CNTNAP2: variants seen among roughly 807,000 people sequenced by gnomAD.
The protein encoded by CNTNAP2 is contactin associated protein 2, also known as contactin-associated protein-like 2.
A neutral mutation model predicts 155.2 loss-of-function variants in CNTNAP2; 98 were observed. The observed-to-expected ratio is 0.63, with a 90% confidence interval of 0.54 to 0.75. The LOEUF (loss-of-function observed/expected upper bound fraction) is 0.75. Among genes scored for constraint, CNTNAP2 ranks in the 30% least tolerant of loss-of-function variants. CNTNAP2 has a pLI of 0.00. For synonymous variants in CNTNAP2, 651 were observed against 631.2 expected, an observed-to-expected ratio of 1.03 and a Z score of -0.47; for missense variants, 1,727 against 1,688.1, an observed-to-expected ratio of 1.02 and a Z score of -0.40.
chr7:146,226,166 C>A (rs75082049), intron 1 of CNTNAP2, among the ~76,000 whole-genome samples: 1,776 of 152,250 alleles, frequency 0.012, 20 homozygotes, highest in Non-Finnish European at 0.018. Context: ...TCTGCCTCGG[C>A]CCTACTGAGA....
chr7:147,444,568 A>C (rs1335274314), intron 10 of CNTNAP2, among the ~76,000 whole-genome samples: 1 of 148,080 alleles, frequency 6.8e-6, no homozygotes, highest in Admixed American at 6.8e-5. Flanking sequence ...CTTAGTCACT[A>C]AGAGTGAAAT....
At chr7:146,398,273 A>G (rs1005014328) in intron 1 of CNTNAP2, among the ~76,000 whole-genome samples, 2 of 146,270 alleles carry the variant, frequency 1.4e-5, no homozygotes, top group Non-Finnish European at 3.0e-5. Flanking sequence ...TAATTGACTC[A>G]CACTTCCACA....
chr7:146,521,777 G>A lies in CNTNAP2; in HGVS notation c.98-252494G>A, dbSNP rs1175048474. 2.6e-5 allele frequency among the ~76,000 whole-genome samples: 4 copies of A among 151,918 alleles called. No individual in the cohort carries two copies. In the South Asian group the frequency reaches 8.3e-4, roughly 32 times the overall value. On this transcript the variant is annotated intron_variant, in intron 1 of 23. Coordinates refer to ENST00000361727, the MANE Select transcript of CNTNAP2 (RefSeq NM_014141.6). The stretch of plus-strand genomic sequence containing the variant: ...AAAGATAAAGCAGACCTCTTAAATA[G>A]GAAGTGGCAAATCTAAGATCTGAAC...
At chr7:147,969,658 T>C (rs908800998) in intron 14 of CNTNAP2, among the ~76,000 whole-genome samples, 1 of 152,230 alleles carries the variant, frequency 6.6e-6, no homozygotes, top group South Asian at 2.1e-4. Flanking sequence ...GCAGAGAGGA[T>C]ACAGAAAGAT....
chr7:146,463,663 G>A (rs1796672402), intron 1 of CNTNAP2, among the ~76,000 whole-genome samples: 1 of 151,746 alleles, frequency 6.6e-6, no homozygotes, highest in African/African-American at 2.4e-5. Flanking sequence ...ACATACATAT[G>A]TGCATGTATG....
chr7:148,344,128 G>A (rs1159318369), intron 21 of CNTNAP2, among the ~76,000 whole-genome samples: 1 of 152,210 alleles, frequency 6.6e-6, no homozygotes, highest in Non-Finnish European at 1.5e-5. Context: ...TTTTAGCAGA[G>A]CCTTTGACTC....
intron 21 of CNTNAP2, among the ~76,000 whole-genome samples, chr7:148,364,153 A>G (rs1220427457): frequency 1.9e-4 from 29 of 152,102 alleles, no homozygotes; most frequent in Admixed American, 2.6e-4. Flanking sequence ...CCTGCTCCAC[A>G]GCGCCCAGTC....
At chr7:146,814,584 A>G (rs1409346839) in intron 2 of CNTNAP2, among the ~76,000 whole-genome samples, 1 of 152,186 alleles carries the variant, frequency 6.6e-6, no homozygotes, top group Non-Finnish European at 1.5e-5. Context: ...CTATAGAACT[A>G]GACAATTAAT....
At chr7:146,445,106 C>T (rs566696175) in intron 1 of CNTNAP2, among the ~76,000 whole-genome samples, 3 of 108,652 alleles carry the variant, frequency 2.8e-5, no homozygotes, top group Admixed American at 2.7e-4. Context: ...AGATTTTATA[C>T]CAGAGTCACC....
intron 13 of CNTNAP2, among the ~76,000 whole-genome samples, chr7:147,660,296 C>A (rs111708837): frequency 3.9e-5 from 6 of 152,296 alleles, no homozygotes; most frequent in African/African-American, 1.4e-4. Context: ...CTTCCTACAA[C>A]CTTTTCCTCC....
intron 1 of CNTNAP2, among the ~76,000 whole-genome samples, chr7:146,129,267 G>A (rs546491989): frequency 4.6e-5 from 7 of 152,152 alleles, no homozygotes; most frequent in Admixed American, 1.3e-4. Context: ...TCAGAATATT[G>A]CAAATAAAAA....
intron 13 of CNTNAP2, among the ~76,000 whole-genome samples, chr7:147,660,874 T>A (rs967682773): frequency 2.0e-5 from 3 of 152,172 alleles, no homozygotes; most frequent in African/African-American, 7.2e-5. Context: ...TATATTTTGT[T>A]GAGGTCTTTG....
chr7:147,194,995 C>G (rs1029877380), intron 8 of CNTNAP2, among the ~76,000 whole-genome samples: 1 of 152,104 alleles, frequency 6.6e-6, no homozygotes, highest in Admixed American at 6.5e-5. Context: ...AGTCTTTGCC[C>G]ATGCTTATGT....
intron 22 of CNTNAP2, among the ~76,000 whole-genome samples, chr7:148,388,154 A>G (rs1465632990): frequency 1.3e-5 from 2 of 152,044 alleles, no homozygotes; most frequent in African/African-American, 4.8e-5. Context: ...TTTTTGTTTT[A>G]TTATTATACT....
Position 148,052,213 on chromosome 7 carries a change from T to C in CNTNAP2, c.2384-65905T>C, listed in dbSNP as rs151265673. Reference sequence around the variant, plus strand: ...CTTGGTAGATATGGCAACATAACAATTAAAAGTTCATGTAAGTACAAAAAT... The same window carrying C: ...CTTGGTAGATATGGCAACATAACAACTAAAAGTTCATGTAAGTACAAAAAT... On this transcript the variant is annotated intron_variant, in intron 15 of 23. Transcript: ENST00000361727. Among the ~76,000 whole-genome samples the C allele has an allele frequency of 3.6e-3, 536 of 150,002 alleles. 3 individuals are homozygous for C. Among genetic ancestry groups the C allele is most frequent in the Non-Finnish European group, 5.9e-3 (397 of 67,650 alleles).
chr7:146,374,065 G>A (rs1198553288), intron 1 of CNTNAP2, among the ~76,000 whole-genome samples: 1 of 152,082 alleles, frequency 6.6e-6, no homozygotes, highest in African/African-American at 2.4e-5. Context: ...AATAGTTGAA[G>A]TTGTTGCCTT....
chr7:148,312,025 G>C (rs1797603973), intron 21 of CNTNAP2, among the ~76,000 whole-genome samples: 1 of 152,164 alleles, frequency 6.6e-6, no homozygotes, highest in Non-Finnish European at 1.5e-5. Flanking sequence ...TATGCATCAG[G>C]TGGGAGAAAG....
chr7:148,331,340 AC>A, intron 21 of CNTNAP2, among the ~76,000 whole-genome samples: 1 of 148,598 alleles, frequency 6.7e-6, no homozygotes, highest in South Asian at 2.2e-4. Flanking sequence ...GATGGAATGG[AC>A]GGATGGAATG....
At position 147,726,125 on chromosome 7, in the gene CNTNAP2, G is replaced by A. The variant is rs139088373; in HGVS notation, c.2098+86819G>A. The stretch of plus-strand genomic sequence containing the variant: ...TGGAATCAGGGGGATAACGAGAGCT[G>A]TTACTCAATAAATATAAATTTATTC... On this transcript the variant is annotated intron_variant, in intron 13 of 23. Coordinates refer to ENST00000361727, the MANE Select transcript of CNTNAP2 (RefSeq NM_014141.6). Among the ~76,000 whole-genome samples the A allele has an allele frequency of 2.2e-4, 33 of 152,104 alleles. No individual in the cohort carries two copies. In the East Asian group the frequency reaches 6.2e-3, roughly 29 times the overall value.
Sources: allele counts gnomAD v4.1 joint callset (sites outside exome capture counted in the v4.1 genomes callset), GRCh38; gene constraint gnomAD v4.1.1; transcripts MANE v1.5; gene names NCBI Gene and HGNC (gene_info 2026-07-23, HGNC 2026-07-21).